The following TMEM35A variants were observed in gnomAD, a reference collection of about 807,000 sequenced individuals.
The protein encoded by TMEM35A is transmembrane protein 35A, also known as nicotinic acetylcholine receptor chaperone.
For missense variants in TMEM35A, 83 were observed against 132.7 expected, an observed-to-expected ratio of 0.63 and a Z score of 1.84; for synonymous variants, 50 against 54.7, an observed-to-expected ratio of 0.91 and a Z score of 0.38.
At chrX:101,090,796 C>A (rs1233745495) in intron 1 of TMEM35A, among the ~76,000 whole-genome samples, 1 of 110,719 alleles carries the variant, frequency 9.0e-6, no homozygotes, top group East Asian at 2.8e-4. Context: ...CTTCCCTTTC[C>A]CTCAGTGCCC....
chrX:101,082,133 C>CTTTTTTTT, intron 1 of TMEM35A, among the ~76,000 whole-genome samples: 129 of 20,366 alleles, frequency 6.3e-3, no homozygotes, highest in Middle Eastern at 0.045. Flanking sequence ...TTCTTTCTTT[C>CTTTTTTTT]TTTTTTTTTT....
At position 101,094,629 on chromosome X, in the gene TMEM35A, C is replaced by G; in HGVS notation, c.177C>G (p.Ile59Met). Residue 59 changes from isoleucine to methionine, a missense_variant, in exon 2 of 2, where the codon ATC becomes ATG. Ile to Met is a conservative substitution (Grantham distance 10). Coordinates refer to ENST00000372930, the MANE Select transcript of TMEM35A (RefSeq NM_021637.3). ...TCCCTCTGCTGAAGAAAATGGGGAT[C>G]AATTCCATTCTCCTCCGAAAAAGCA... ...RALPLLKKMG[I>M]NSILLRKSIG... is the part of the protein sequence containing the mutation. The G allele has an allele frequency of 8.3e-7, 1 of 1,210,633 alleles. No homozygotes were observed.
rs2089335115 is a variant in TMEM35A, at chrX:101,095,061, G to A, written c.*105G>A. ...TTGATTTATTTATCTTGGGGAAAGT[G>A]AAAAATGTAATCTGCAAGTTAATGA... On this transcript the variant is annotated 3_prime_UTR_variant, in exon 2 of 2. Coordinates refer to ENST00000372930, the MANE Select transcript of TMEM35A (RefSeq NM_021637.3). 1 of 933,963 alleles carries A rather than the reference G, an allele frequency of 1.1e-6. No individual in the cohort carries two copies. Among genetic ancestry groups the A allele is most frequent in the African/African-American group, 2.0e-5 (1 of 50,902 alleles). The allele number at this position is 933,963 out of a possible 1,213,427, so 77.0% of individuals were successfully genotyped here.
chrX:101,079,223 C>G, intron 1 of TMEM35A, 101 bp downstream of exon 1: 1 of 988,234 alleles, frequency 1.0e-6, no homozygotes, highest in Non-Finnish European at 1.4e-6. Context: ...CCCTTAGCCC[C>G]TATCCCCACC....
intron 1 of TMEM35A, among the ~76,000 whole-genome samples, chrX:101,089,642 GGAGGCT>G (rs2089317573): frequency 9.2e-6 from 1 of 108,246 alleles, no homozygotes; most frequent in African/African-American, 3.4e-5. Context: ...CAGCAACTTA[GGAGGCT>G]GAGGCAAGGT....
chrX:101,082,136 T>TC (rs1267647046), intron 1 of TMEM35A, among the ~76,000 whole-genome samples: 88 of 81,687 alleles, frequency 1.1e-3, no homozygotes, highest in African/African-American at 5.7e-3. Flanking sequence ...TTTCTTTCTT[T>TC]TTTTTTTTTT....
rs1441884481 is a variant in TMEM35A, at chrX:101,095,391, T to C, written c.*435T>C. 1 of 109,487 alleles carries C rather than the reference T, an allele frequency of 9.1e-6. No homozygotes were observed. The highest frequency in any genetic ancestry group is 3.4e-5 in the African/African-American group (1 of 29,797). 9.0% of individuals were successfully genotyped at this position (109,487 alleles called of 1,213,427 possible). A position where few individuals can be genotyped will look rare whatever the true frequency, so the allele number is the denominator to read the frequency against. Reference sequence around the variant, plus strand: ...ATCTTGAACTAATCCTGCACAGGCATCCTTCCCTTTATAGATTGATTCCAG... The same window carrying C: ...ATCTTGAACTAATCCTGCACAGGCACCCTTCCCTTTATAGATTGATTCCAG... On this transcript the variant is annotated 3_prime_UTR_variant, in exon 2 of 2. Transcript: ENST00000372930.
intron 1 of TMEM35A, among the ~76,000 whole-genome samples, chrX:101,087,642 A>G (rs1001122520): frequency 9.0e-6 from 1 of 111,724 alleles, no homozygotes; most frequent in East Asian, 2.8e-4. Flanking sequence ...AGATTGCACT[A>G]TAGTATAGAT....
Position 101,095,058 on chromosome X carries a change from A to G in TMEM35A, c.*102A>G. 1 of 956,537 alleles carries G rather than the reference A, an allele frequency of 1.0e-6. No homozygotes were observed. Among genetic ancestry groups the G allele is most frequent in the Non-Finnish European group, 1.4e-6 (1 of 717,016 alleles). 78.8% of individuals were successfully genotyped at this position (956,537 alleles called of 1,213,427 possible). A position where few individuals can be genotyped will look rare whatever the true frequency, so the allele number is the denominator to read the frequency against. On this transcript the variant is annotated 3_prime_UTR_variant, in exon 2 of 2. Coordinates refer to ENST00000372930, the MANE Select transcript of TMEM35A (RefSeq NM_021637.3). ...CATTTGATTTATTTATCTTGGGGAA[A>G]GTGAAAAATGTAATCTGCAAGTTAA...
At chrX:101,088,805 T>G (rs751968015) in intron 1 of TMEM35A, among the ~76,000 whole-genome samples, 38 of 110,463 alleles carry the variant, frequency 3.4e-4, no homozygotes, top group African/African-American at 1.1e-3. Context: ...CTCGGGAGGC[T>G]GAGGCAGGAG....
chrX:101,095,326 C>T lies in TMEM35A; in HGVS notation c.*370C>T, dbSNP rs1001969964. 7 of 117,291 alleles carry T rather than the reference C, an allele frequency of 6.0e-5. No homozygotes were observed. The highest frequency in any genetic ancestry group is 3.5e-4 in the South Asian group (1 of 2,857). The allele number at this position is 117,291 out of a possible 1,213,427, so 9.7% of individuals were successfully genotyped here. A position where few individuals can be genotyped will look rare whatever the true frequency, so the allele number is the denominator to read the frequency against. On this transcript the variant is annotated 3_prime_UTR_variant, in exon 2 of 2. Transcript: ENST00000372930. ...GTGTGTGTGTGCGCGCGCGCGCGCA[C>T]GCGCACACACTCACGCACACACAAG...
rs1290112409 is a variant in TMEM35A at position 101,095,648 on chromosome X, G to C, written c.*692G>C. The C allele has an allele frequency of 9.0e-6, 1 of 110,923 alleles. No individual in the cohort carries two copies. The highest frequency in any genetic ancestry group is 1.9e-5 in the Non-Finnish European group (1 of 53,023). 9.1% of individuals were successfully genotyped at this position (110,923 alleles called of 1,213,427 possible). A position where few individuals can be genotyped will look rare whatever the true frequency, so the allele number is the denominator to read the frequency against. ...CCATATTGAATTTAATTAAAACAAG[G>C]GATGCATGCAGTCAAATTGATAGTT... On this transcript the variant is annotated 3_prime_UTR_variant, in exon 2 of 2. Coordinates refer to ENST00000372930, the MANE Select transcript of TMEM35A (RefSeq NM_021637.3).
chrX:101,090,169 CT>C (rs771239790), intron 1 of TMEM35A, among the ~76,000 whole-genome samples: 20 of 97,373 alleles, frequency 2.1e-4, no homozygotes, highest in Admixed American at 2.2e-4. Flanking sequence ...TTCTTTCTTT[CT>C]TTTTTTTTTT....
At chrX:101,093,223 A>G (rs1314627508) in intron 1 of TMEM35A, among the ~76,000 whole-genome samples, 2 of 112,371 alleles carry the variant, frequency 1.8e-5, no homozygotes, top group Non-Finnish European at 3.7e-5. Context: ...CAGGCACTAG[A>G]AAATATGGAT....
chrX:101,091,282 A>G (rs1309794544), intron 1 of TMEM35A, among the ~76,000 whole-genome samples: 1 of 101,110 alleles, frequency 9.9e-6, no homozygotes, highest in Non-Finnish European at 2.0e-5. Flanking sequence ...TTCTAGAGGG[A>G]CCATCTTTTC....
rs2089335048 is a variant in TMEM35A at position 101,095,016 on chromosome X, T to C, written c.*60T>C. The stretch of plus-strand genomic sequence containing the variant: ...AGTTGCGTCCATGACACCAGGAAGA[T>C]GTCAGTGTGTGTTTTTCATTTGATT... On this transcript the variant is annotated 3_prime_UTR_variant, in exon 2 of 2. Coordinates refer to ENST00000372930, the MANE Select transcript of TMEM35A (RefSeq NM_021637.3). 3.8e-6 allele frequency: 4 copies of C among 1,059,458 alleles called. No homozygotes were observed. The highest frequency in any genetic ancestry group is 5.0e-6 in the Non-Finnish European group (4 of 801,169). 87.3% of individuals were successfully genotyped at this position (1,059,458 alleles called of 1,213,427 possible).
intron 1 of TMEM35A, among the ~76,000 whole-genome samples, chrX:101,090,986 T>A (rs752000722): frequency 2.7e-5 from 3 of 110,815 alleles, no homozygotes; most frequent in Admixed American, 9.7e-5. Flanking sequence ...TATAGGCATG[T>A]GCCACCACGC....
intron 1 of TMEM35A, among the ~76,000 whole-genome samples, chrX:101,087,676 G>A (rs1253132338): frequency 2.7e-5 from 3 of 111,606 alleles, no homozygotes; most frequent in African/African-American, 9.8e-5. Flanking sequence ...TGAATAATGG[G>A]TGGTTAAGCC....
chrX:101,082,133 C>CTTTTTTTTTTTTTTTTTTTTT, intron 1 of TMEM35A, among the ~76,000 whole-genome samples: 36 of 20,454 alleles, frequency 1.8e-3, no homozygotes, highest in Non-Finnish European at 2.6e-3. Context: ...TTCTTTCTTT[C>CTTTTTTTTTTTTTTTTTTTTT]TTTTTTTTTT....
Sources: allele counts gnomAD v4.1 joint callset (sites outside exome capture counted in the v4.1 genomes callset), GRCh38; gene constraint gnomAD v4.1.1; transcripts MANE v1.5; gene names NCBI Gene and HGNC (gene_info 2026-07-23, HGNC 2026-07-21).